Variants in MYCT1 observed in about 807,000 individuals in gnomAD.
MYCT1 encodes the protein myc target protein 1.
Under a neutral mutation model 15.0 loss-of-function variants are expected in MYCT1, and 12 were observed. The ratio of observed to expected loss-of-function variants is 0.80; its 90% CI spans 0.51 to 1.29. The LOEUF is 1.29. Among genes scored for constraint, MYCT1 ranks in the 50% most tolerant of loss-of-function variants. The probability of loss-of-function intolerance (pLI) is 0.00; values close to 1 mark genes in which losing one functional copy is unlikely to be tolerated. For synonymous variants in MYCT1, 104 were observed against 102.7 expected, an observed-to-expected ratio of 1.01 and a Z score of -0.07; for missense variants, 287 against 279.1, an observed-to-expected ratio of 1.03 and a Z score of -0.20.
chr6:152,739,230 T>C, the MYCT1 span, among the ~76,000 whole-genome samples: 1 of 151,818 alleles, frequency 6.6e-6, no homozygotes, highest in Admixed American at 6.6e-5. Context: ...TTGGAGATTA[T>C]AATTTATTAA....
At chr6:152,736,074 CAG>C in the MYCT1 span, among the ~76,000 whole-genome samples, 20 of 152,108 alleles carry the variant, frequency 1.3e-4, no homozygotes, top group Admixed American at 1.2e-3. Flanking sequence ...TGCTAAAAAC[CAG>C]AGTCTTACAT....
rs777671770 is a variant in MYCT1, at chr6:152,722,047, C to T, written c.502C>T (p.His168Tyr). 6 of 1,614,012 alleles carry T rather than the reference C, an allele frequency of 3.7e-6. No individual in the cohort carries two copies. The South Asian group carries it at 5.5e-5, about 15-fold the overall frequency. Reference protein sequence around the residue: ...RKSSFRASTFHPFLQCPPLPV... With the variant: ...RKSSFRASTFYPFLQCPPLPV... ...ATCAAGTTTCAGAGCTTCTACTTTC[C>T]ATCCCTTTCTGCAATGTCCACCACT... The change falls in exon 2 of 2, where the codon CAT becomes TAT. Residue 168 changes from histidine to tyrosine, a missense_variant. Physicochemically the swap from His to Tyr is moderately conservative, Grantham distance 83. Transcript: ENST00000367245.
chr6:152,716,756 G>A (rs1196971413), intron 1 of MYCT1, among the ~76,000 whole-genome samples: 2 of 152,234 alleles, frequency 1.3e-5, no homozygotes, highest in East Asian at 1.9e-4. Context: ...TACAAATTAG[G>A]ATGACATATA....
the MYCT1 span, among the ~76,000 whole-genome samples, chr6:152,733,435 C>G: frequency 6.6e-6 from 1 of 152,162 alleles, no homozygotes. Context: ...TTTTGCTCAG[C>G]CTCTTTCTAC....
chr6:152,713,952 T>G (rs2099723175), intron 1 of MYCT1, among the ~76,000 whole-genome samples: 1 of 152,130 alleles, frequency 6.6e-6, no homozygotes, highest in Non-Finnish European at 1.5e-5. Context: ...TCAACTCCTC[T>G]CCAGTAGCTA....
intron 1 of MYCT1, chr6:152,705,883 A>G: frequency 1.4e-6 from 1 of 738,328 alleles, no homozygotes; most frequent in Non-Finnish European, 2.5e-6. Context: ...ATTGTTGAGA[A>G]AATTATGCAA....
chr6:152,699,979 G>A (rs1224743591), intron 1 of MYCT1, among the ~76,000 whole-genome samples: 1 of 151,756 alleles, frequency 6.6e-6, no homozygotes, highest in Non-Finnish European at 1.5e-5. Flanking sequence ...AAACCAGAAA[G>A]GGGAGTGTTA....
chr6:152,720,849 A>G (rs77235145), intron 1 of MYCT1, among the ~76,000 whole-genome samples: 2,826 of 152,176 alleles, frequency 0.019, 89 homozygotes, highest in African/African-American at 0.063. Context: ...TTCTTTGCAA[A>G]GTGGTGTGGT....
intron 1 of MYCT1, 88 bp from the exon 2 acceptor site, chr6:152,721,654 C>A: frequency 8.2e-7 from 1 of 1,221,134 alleles, no homozygotes; most frequent in Non-Finnish European, 1.1e-6. Flanking sequence ...ATCATGTATT[C>A]TTTGAATTAC....
the MYCT1 span, among the ~76,000 whole-genome samples, chr6:152,731,828 A>G: frequency 6.7e-6 from 1 of 149,026 alleles, no homozygotes; most frequent in Non-Finnish European, 1.5e-5. Context: ...GCTCGCTGCT[A>G]CCTCTGCATC....
intron 1 of MYCT1, among the ~76,000 whole-genome samples, 154 bp downstream of exon 1, chr6:152,698,252 A>C (rs1252841245): frequency 6.6e-6 from 1 of 151,684 alleles, no homozygotes; most frequent in Non-Finnish European, 1.5e-5. Flanking sequence ...TCTATTTCAT[A>C]CGTTTATTAG....
At chr6:152,744,712 C>T in the MYCT1 span, among the ~76,000 whole-genome samples, 10 of 152,186 alleles carry the variant, frequency 6.6e-5, no homozygotes, top group Non-Finnish European at 8.8e-5. Flanking sequence ...CCAACCAGCA[C>T]GTCTCTTTTG....
downstream of MYCT1, among the ~76,000 whole-genome samples, chr6:152,727,627 G>A (rs1219343753): frequency 6.6e-6 from 1 of 152,232 alleles, no homozygotes; most frequent in African/African-American, 2.4e-5. Flanking sequence ...ACTAGCATAT[G>A]TGGTGGCTTT....
At chr6:152,734,658 G>C in the MYCT1 span, among the ~76,000 whole-genome samples, 1 of 151,286 alleles carries the variant, frequency 6.6e-6, no homozygotes, top group South Asian at 2.1e-4. Flanking sequence ...TTTCCCACAT[G>C]CTTTGACATT....
the MYCT1 span, among the ~76,000 whole-genome samples, chr6:152,744,009 C>T: frequency 1.2e-4 from 18 of 152,312 alleles, no homozygotes; most frequent in East Asian, 2.7e-3. Flanking sequence ...GCCCTGGAGA[C>T]GCAGGGCCCA....
At chr6:152,734,664 A>G in the MYCT1 span, among the ~76,000 whole-genome samples, 3 of 150,652 alleles carry the variant, frequency 2.0e-5, no homozygotes, top group African/African-American at 7.4e-5. Context: ...ACATGCTTTG[A>G]CATTTTTTTT....
Position 152,722,470 on chromosome 6 carries a change from G to T in MYCT1, c.*217G>T. 1 of 503,252 alleles carries T rather than the reference G, an allele frequency of 2.0e-6. No individual in the cohort carries two copies. 31.2% of individuals were successfully genotyped at this position (503,252 alleles called of 1,614,324 possible). ...AAAAATGTAATATTTTCCCCCAAGCGTTTTATATTTATGTATTTTGTATTC... is the reference window on the plus strand; with the variant it reads ...AAAAATGTAATATTTTCCCCCAAGCTTTTTATATTTATGTATTTTGTATTC... On this transcript the variant is annotated 3_prime_UTR_variant, in exon 2 of 2. Transcript: ENST00000367245.
chr6:152,720,425 TCTC>T (rs1565394885), intron 1 of MYCT1, among the ~76,000 whole-genome samples: 1 of 152,124 alleles, frequency 6.6e-6, no homozygotes, highest in Non-Finnish European at 1.5e-5. Context: ...GTGGCTATTT[TCTC>T]CTCCTCTTCC....
At chr6:152,735,926 T>C in the MYCT1 span, among the ~76,000 whole-genome samples, 22 of 152,268 alleles carry the variant, frequency 1.4e-4, no homozygotes, top group Non-Finnish European at 2.9e-4. Context: ...TATTCTTTCA[T>C]TCCATCTTTT....
Sources: allele counts gnomAD v4.1 joint callset (sites outside exome capture counted in the v4.1 genomes callset), GRCh38; gene constraint gnomAD v4.1.1; transcripts MANE v1.5; gene names NCBI Gene and HGNC (gene_info 2026-07-23, HGNC 2026-07-21).